MKS1: variants seen among roughly 807,000 people sequenced by gnomAD.
The protein encoded by MKS1 is MKS transition zone complex subunit 1.
Under a neutral mutation model 83.7 loss-of-function variants are expected in MKS1, and 70 were observed. That is an observed-to-expected ratio of 0.84 (90% CI 0.69 to 1.02). The LOEUF is 1.02. MKS1 is among the 50% of genes least tolerant of loss of function. The pLI, the probability that MKS1 is intolerant of heterozygous loss-of-function variation, is 0.00. For synonymous variants in MKS1, 251 were observed against 273.4 expected (o/e 0.92, Z 0.81); for missense variants, 681 against 726.9 (o/e 0.94, Z 0.73).
At chr17:58,206,939 T>A in intron 15 of MKS1, 146 bp downstream of exon 15, 1 of 1,165,884 alleles carries the variant, frequency 8.6e-7, no homozygotes, top group Non-Finnish European at 1.3e-6. Context: ...CAAAATGTGG[T>A]CATGACTTCC....
intron 9 of MKS1, among the ~76,000 whole-genome samples, chr17:58,211,614 A>T (rs1968878746): frequency 6.6e-6 from 1 of 152,146 alleles, no homozygotes; most frequent in Admixed American, 6.6e-5. Flanking sequence ...CCAGGCTGGA[A>T]TGCAGTGGTG....
chr17:58,214,596 T>C (rs775970541), intron 5 of MKS1, 145 bp downstream of exon 5: 56 of 1,026,426 alleles, frequency 5.5e-5, no homozygotes, highest in Non-Finnish European at 7.2e-5. Context: ...GTGAGGAAGA[T>C]ATTTTATATT....
chr17:58,206,672 T>TC (rs1968534391), intron 15 of MKS1, 125 bp from the exon 16 acceptor site: 1 of 964,810 alleles, frequency 1.0e-6, no homozygotes, highest in African/African-American at 1.6e-5. Context: ...GAAACCTTAT[T>TC]CCATCACCCA....
In MKS1 at chr17:58,212,941, G is replaced by A. The variant is rs371630772; in HGVS notation, c.858+41C>T. The A allele has an allele frequency of 1.0e-4, 167 of 1,590,914 alleles. No individual in the cohort carries two copies. The African/African-American group carries it at 1.7e-3, about 16-fold the overall frequency. ...AGAAATGGTCTCAGCTCCAGGCACT[G>A]AGGCTCATCCCTTGGATACTTGGAA... On this transcript the variant is annotated intron_variant, in intron 8 of 17. Coordinates refer to ENST00000393119, the MANE Select transcript of MKS1 (RefSeq NM_017777.4).
At chr17:58,208,272 A>C (rs147899368) in intron 12 of MKS1, 98 bp from the exon 13 acceptor site, 2 of 1,183,462 alleles carry the variant, frequency 1.7e-6, no homozygotes, top group Admixed American at 3.7e-5. Context: ...AAAAAGAAAA[A>C]TTATCACCCA....
Position 58,205,548 on chromosome 17 carries a change from C to T in MKS1, c.*531G>A. ...AGAAAGGACTCAGCACTGCCTTCAG[C>T]CTTCACTTACTCAGAAATAACTCAT... On this transcript the variant is annotated 3_prime_UTR_variant, in exon 18 of 18. Coordinates refer to ENST00000393119, the MANE Select transcript of MKS1 (RefSeq NM_017777.4). The T allele has an allele frequency of 7.7e-7, 1 of 1,304,522 alleles. No homozygotes were observed. The highest frequency in any genetic ancestry group is 1.2e-5 in the South Asian group (1 of 81,006). The allele number at this position is 1,304,522 out of a possible 1,614,324, so 80.8% of individuals were successfully genotyped here.
intron 14 of MKS1, 38 bp downstream of exon 14, chr17:58,207,856 G>T: frequency 6.5e-7 from 1 of 1,543,956 alleles, no homozygotes; most frequent in Non-Finnish European, 9.0e-7. Flanking sequence ...TAGGGCCTAG[G>T]GCATGTGGGC....
At chr17:58,210,157 G>C (rs1471644314) in intron 11 of MKS1, among the ~76,000 whole-genome samples, 1 of 152,178 alleles carries the variant, frequency 6.6e-6, no homozygotes, top group East Asian at 1.9e-4. Flanking sequence ...GGTCATGTTA[G>C]ACAGAAATGA....
Position 58,218,646 on chromosome 17 carries a change from G to A in MKS1, c.164C>T (p.Ala55Val), listed in dbSNP as rs779521346. 7 of 1,613,464 alleles carry A rather than the reference G, an allele frequency of 4.3e-6. No homozygotes were observed. In the South Asian group the frequency reaches 7.7e-5, roughly 18 times the overall value. Residue 55 changes from alanine to valine, a missense_variant, in exon 2 of 18, where the codon GCC becomes GTC. Physicochemically the swap from Ala to Val is moderately conservative, Grantham distance 64. Around this residue, in one of 3 missense-constraint regions of MKS1, gnomAD observed 365 missense variants for 383.8 expected, o/e 0.95. Coordinates refer to ENST00000393119, the MANE Select transcript of MKS1 (RefSeq NM_017777.4). ...AELGKDLIDL[A>V]TFRPQPTASG... ...GGCAGTTGGCTGAGGCCTAAAAGTG[G>A]CCAAGTCTATGAGGTCCTTCCCGAG...
intron 15 of MKS1, chr17:58,206,853 G>C: frequency 1.5e-6 from 1 of 647,890 alleles, no homozygotes; most frequent in Non-Finnish European, 2.6e-6. Flanking sequence ...ATTCTGATGG[G>C]AACCAGGGGA....
At chr17:58,218,320 C>A (rs1421554275) in intron 2 of MKS1, among the ~76,000 whole-genome samples, 7 of 150,982 alleles carry the variant, frequency 4.6e-5, no homozygotes, top group Admixed American at 4.6e-4. Flanking sequence ...TGGTGGCGGG[C>A]GCCTGTAGTC....
In MKS1 at chr17:58,206,447, G is replaced by A. The variant is rs201076918; in HGVS notation, c.1490+18C>T. 7 of 1,614,152 alleles carry A rather than the reference G, an allele frequency of 4.3e-6. No individual in the cohort carries two copies. Among genetic ancestry groups the A allele is most frequent in the Non-Finnish European group, 5.9e-6 (7 of 1,179,996 alleles). ...CTCAGGGCTAAGGTGCCCTGAGGCA[G>A]AGGGCCAAGTCACTCACCTGGACTG... On this transcript the variant is annotated intron_variant, in intron 16 of 17. Coordinates refer to ENST00000393119, the MANE Select transcript of MKS1 (RefSeq NM_017777.4).
rs561482424 is a variant in MKS1 at position 58,213,049 on chromosome 17, G to A, written c.791C>T (p.Thr264Met). 2.0e-5 allele frequency: 33 copies of A among 1,614,046 alleles called. No individual in the cohort carries two copies. In the South Asian group the frequency reaches 2.1e-4, roughly 10 times the overall value. The change falls in exon 8 of 18, where the codon ACG becomes ATG. Residue 264 changes from threonine to methionine, a missense_variant. Thr to Met is a moderately conservative substitution (Grantham distance 81, BLOSUM62 -1). Transcript: ENST00000393119. ...EGEKQELWKY[T>M]IDNVSPHAQP... is the part of the protein sequence containing the mutation. ...TGCGTGGGGGGAAACATTGTCGATC[G>A]TATATTTCCACAGCTCCTGCTTCTC...
chr17:58,219,073 C>T (rs1969436645), intron 1 of MKS1, 78 bp downstream of exon 1: 5 of 1,529,242 alleles, frequency 3.3e-6, no homozygotes, highest in Non-Finnish European at 4.4e-6. Context: ...AAGTGGGGAC[C>T]TCAGAACACC....
At chr17:58,208,770 G>C (rs998857574) in intron 11 of MKS1, among the ~76,000 whole-genome samples, 187 bp from the exon 12 acceptor site, 1 of 151,788 alleles carries the variant, frequency 6.6e-6, no homozygotes, top group Non-Finnish European at 1.5e-5. Flanking sequence ...AGATAAACAC[G>C]TGAACAAAGG....
Position 58,218,661 on chromosome 17 carries a change from T to C in MKS1, c.149A>G (p.Asp50Gly). 1 of 1,613,878 alleles carries C rather than the reference T, an allele frequency of 6.2e-7. No homozygotes were observed. Among genetic ancestry groups the C allele is most frequent in the Non-Finnish European group, 8.5e-7 (1 of 1,179,884 alleles). The change falls in exon 2 of 18, where the codon GAC becomes GGC. Residue 50 changes from aspartate (D) to glycine (G), a missense_variant. Around this residue, in one of 3 missense-constraint regions of MKS1, gnomAD observed 365 missense variants for 383.8 expected, o/e 0.95. Coordinates refer to ENST00000393119, the MANE Select transcript of MKS1 (RefSeq NM_017777.4). The stretch of plus-strand genomic sequence containing the variant: ...CCTAAAAGTGGCCAAGTCTATGAGG[T>C]CCTTCCCGAGCTCGGCAGCAGGCTG... ...HYQPAAELGK[D>G]LIDLATFRPQ...
At position 58,210,854 on chromosome 17, in the gene MKS1, A is replaced by G. The variant is rs559452167; in HGVS notation, c.958+126T>C. ...GCCAGGAACCCTCTGCGTTTCCAGG[A>G]AAGACTCACCACTGAGTTTCCCAAG... On this transcript the variant is annotated intron_variant, in intron 10 of 17. Transcript: ENST00000393119. 2.8e-4 allele frequency: 413 copies of G among 1,451,596 alleles called. 3 individuals carry two copies. The East Asian group carries it at 8.7e-3, about 31-fold the overall frequency. 89.9% of individuals were successfully genotyped at this position (1,451,596 alleles called of 1,614,324 possible).
rs759802849 is a variant in MKS1 at position 58,214,323 on chromosome 17, T to C, written c.580A>G (p.Asn194Asp). 2 of 1,614,096 alleles carry C rather than the reference T, an allele frequency of 1.2e-6. No homozygotes were observed. Among genetic ancestry groups the C allele is most frequent in the Admixed American group, 3.3e-5 (2 of 60,018 alleles). Residue 194 changes from asparagine to aspartate, a missense_variant, in exon 6 of 18, where the codon AAC becomes GAC. Asn to Asp is a conservative substitution (Grantham distance 23). Coordinates refer to ENST00000393119, the MANE Select transcript of MKS1 (RefSeq NM_017777.4). Reference sequence around the variant, plus strand: ...TGAAGAGGGGTGTTAATGACGTGGTTGTTCCTGACAAACTCTTCTGAGGGC... The same window carrying C: ...TGAAGAGGGGTGTTAATGACGTGGTCGTTCCTGACAAACTCTTCTGAGGGC... ...WEPSEEFVRN[N>D]HVINTPLQTM...
intron 2 of MKS1, among the ~76,000 whole-genome samples, chr17:58,217,230 C>T (rs910847215): frequency 6.6e-6 from 1 of 152,228 alleles, no homozygotes; most frequent in African/African-American, 2.4e-5. Context: ...CTCAGGTGAT[C>T]CACCTGCCTT....
Sources: allele counts gnomAD v4.1 joint callset (sites outside exome capture counted in the v4.1 genomes callset), GRCh38; gene constraint gnomAD v4.1.1; regional missense constraint gnomAD v4.1.1; transcripts MANE v1.5; gene names NCBI Gene and HGNC (gene_info 2026-07-23, HGNC 2026-07-21).